Variants in WHRN observed in about 807,000 individuals in gnomAD.
WHRN encodes CASK-interacting protein CIP98.
In WHRN, 41 loss-of-function variants were observed where a neutral mutation model predicts 68.3. The observed-to-expected ratio is 0.60, with a 90% CI of 0.47 to 0.78. The LOEUF (loss-of-function observed/expected upper bound fraction) is 0.78, where lower values mean the gene tolerates loss of function less well. WHRN is among the 30% of genes least tolerant of loss of function. WHRN has a pLI of 0.00. For synonymous variants in WHRN, 560 were observed against 561.3 expected (o/e 1.00, Z 0.03); for missense variants, 1,243 against 1,244.7 (o/e 1.00, Z 0.02).
At chr9:114,432,491 A>G (rs918374874) in intron 3 of WHRN, among the ~76,000 whole-genome samples, 2 of 152,342 alleles carry the variant, frequency 1.3e-5, no homozygotes, top group East Asian at 1.9e-4. Flanking sequence ...TGTGTTGTGC[A>G]AAGTACACCA....
intron 1 of WHRN, among the ~76,000 whole-genome samples, chr9:114,489,482 A>G (rs898145438): frequency 7.6e-6 from 1 of 131,570 alleles, no homozygotes; most frequent in Non-Finnish European, 1.7e-5. Context: ...ACACACACGC[A>G]CACACACGTA....
intron 1 of WHRN, among the ~76,000 whole-genome samples, 161 bp downstream of exon 1, chr9:114,504,023 G>A (rs1382093820): frequency 6.7e-6 from 1 of 149,870 alleles, no homozygotes; most frequent in African/African-American, 2.5e-5. Flanking sequence ...AGAGCTATTT[G>A]CTCTGTAAGC....
intron 3 of WHRN, among the ~76,000 whole-genome samples, chr9:114,428,027 T>C (rs1433539091): frequency 6.6e-6 from 1 of 152,036 alleles, no homozygotes; most frequent in Non-Finnish European, 1.5e-5. Flanking sequence ...CAGTAGGAAT[T>C]AAAAAAATCA....
In WHRN at chr9:114,424,434, T is replaced by G. The variant is rs781184468; in HGVS notation, c.1316A>C (p.His439Pro). Residue 439 changes from histidine to proline, a missense_variant, in exon 6 of 12, where the codon CAC becomes CCC. His to Pro is a moderately conservative substitution (Grantham distance 77). Transcript: ENST00000362057. ...QARHLLNEQE[H>P]ATMAYYLDEY... ...ATCCAGGTAGTAGGCCATGGTGGCG[T>G]GTTCCTGCTCGTTCAGCAGGTGCCG... The G allele has an allele frequency of 6.2e-7, 1 of 1,613,578 alleles. No homozygotes were observed. Among genetic ancestry groups the G allele is most frequent in the Admixed American group, 1.7e-5 (1 of 60,018 alleles).
rs535515805 is a variant in WHRN at position 114,449,643 on chromosome 9, G to C, written c.963+16624C>G. On this transcript the variant is annotated intron_variant, in intron 3 of 11. Transcript: ENST00000362057. ...GAAGGACTGAGAAGGTGGCACAGCT[G>C]GGGGCGGGTGGGGAGCAGAGGCTAC... Among the ~76,000 whole-genome samples, 4 of 152,316 alleles carry C rather than the reference G, an allele frequency of 2.6e-5. No homozygotes were observed. The East Asian group carries it at 7.7e-4, about 29-fold the overall frequency.
At chr9:114,442,891 T>C (rs1366839491) in intron 3 of WHRN, among the ~76,000 whole-genome samples, 1 of 151,932 alleles carries the variant, frequency 6.6e-6, no homozygotes, top group East Asian at 1.9e-4. Context: ...AATACAAGGG[T>C]ATATGGGAGT....
intron 3 of WHRN, among the ~76,000 whole-genome samples, chr9:114,444,104 G>A (rs1378561095): frequency 6.6e-6 from 1 of 152,166 alleles, no homozygotes; most frequent in African/African-American, 2.4e-5. Flanking sequence ...AATTCAAGAC[G>A]ATATGTGAGT....
chr9:114,477,890 G>C (rs1841782293), intron 2 of WHRN, among the ~76,000 whole-genome samples: 1 of 152,142 alleles, frequency 6.6e-6, no homozygotes, highest in Non-Finnish European at 1.5e-5. Context: ...CCTGGGTCTA[G>C]GCCAGTGGGA....
At chr9:114,442,527 C>T (rs553899653) in intron 3 of WHRN, among the ~76,000 whole-genome samples, 25 of 152,154 alleles carry the variant, frequency 1.6e-4, no homozygotes, top group Non-Finnish European at 3.1e-4. Flanking sequence ...TTTGGATATT[C>T]GTCCCCTACA....
chr9:114,442,489 A>C (rs1838458471), intron 3 of WHRN, among the ~76,000 whole-genome samples: 1 of 152,234 alleles, frequency 6.6e-6, no homozygotes, highest in African/African-American at 2.4e-5. Flanking sequence ...ATGAAAAACT[A>C]GTGAATCTGG....
At chr9:114,503,976 G>C (rs563194524) in intron 1 of WHRN, among the ~76,000 whole-genome samples, 3 of 152,062 alleles carry the variant, frequency 2.0e-5, no homozygotes, top group South Asian at 2.1e-4. Flanking sequence ...ACAAAGGCAA[G>C]GGCCATGTCT....
chr9:114,450,117 GA>G (rs543441052), intron 3 of WHRN, among the ~76,000 whole-genome samples: 1 of 152,044 alleles, frequency 6.6e-6, no homozygotes, highest in African/African-American at 2.4e-5. Context: ...TGGCTCATTA[GA>G]AAAAACCCAC....
rs373697795 is a variant in WHRN at position 114,429,177 on chromosome 9, C to T, written c.964-2764G>A. ...AACTCCTGAGCTCAGGCGATCCACG[C>T]GGCTTGGCCTCCCAAAGTGCTGGGA... On this transcript the variant is annotated intron_variant, in intron 3 of 11. Transcript: ENST00000362057. 1.2e-3 allele frequency among the ~76,000 whole-genome samples: 176 copies of T among 152,346 alleles called. 6 individuals carry two copies. In the South Asian group the frequency reaches 0.032, roughly 28 times the overall value.
intron 3 of WHRN, among the ~76,000 whole-genome samples, chr9:114,433,472 A>C (rs1462751110): frequency 6.6e-6 from 1 of 152,224 alleles, no homozygotes; most frequent in Non-Finnish European, 1.5e-5. Context: ...TTGCGGCTTC[A>C]AGGGAGGTCC....
chr9:114,450,046 TG>T (rs1044054599), intron 3 of WHRN, among the ~76,000 whole-genome samples: 2 of 152,132 alleles, frequency 1.3e-5, no homozygotes, highest in Admixed American at 1.3e-4. Flanking sequence ...TTAGGACTTG[TG>T]GACCCGCCCA....
At chr9:114,478,390 G>C (rs949289798) in intron 2 of WHRN, 163 bp downstream of exon 2, 1 of 788,614 alleles carries the variant, frequency 1.3e-6, no homozygotes. Flanking sequence ...AGGTCAAAAA[G>C]AAAAGCAAAG....
intron 3 of WHRN, among the ~76,000 whole-genome samples, chr9:114,456,017 GAA>G (rs980003764): frequency 6.6e-6 from 1 of 151,790 alleles, no homozygotes; most frequent in African/African-American, 2.4e-5. Context: ...AAAAGTGAAA[GAA>G]TGGTTGTATG....
At chr9:114,431,616 G>A (rs1294736621) in intron 3 of WHRN, among the ~76,000 whole-genome samples, 1 of 152,192 alleles carries the variant, frequency 6.6e-6, no homozygotes, top group South Asian at 2.1e-4. Context: ...GTTGGTGTGA[G>A]TGAATTTGGA....
intron 1 of WHRN, among the ~76,000 whole-genome samples, chr9:114,494,576 C>T (rs1242646591): frequency 2.0e-5 from 3 of 152,158 alleles, no homozygotes; most frequent in East Asian, 1.9e-4. Flanking sequence ...AGCTCAGGCT[C>T]GAGCACTGTG....
Sources: gnomAD v4.1 joint callset for allele counts (sites outside exome capture counted in the v4.1 genomes callset) on GRCh38, gnomAD v4.1.1 for gene constraint, MANE v1.5 for transcripts, NCBI Gene and HGNC (gene_info 2026-07-23, HGNC 2026-07-21) for gene names.